Variants in ZNF385D observed in about 807,000 individuals in gnomAD.
The protein encoded by ZNF385D is zinc finger protein 385D.
In ZNF385D, 15 loss-of-function variants were observed where a neutral mutation model predicts 35.8. The ratio of observed to expected loss-of-function variants is 0.42; its 90% CI spans 0.28 to 0.64. The LOEUF is 0.64. Ranked by LOEUF, ZNF385D falls within the 30% of genes least tolerant of loss-of-function variation. The pLI is 0.23. For synonymous variants in ZNF385D, 212 were observed against 186.8 expected (o/e 1.13, Z -1.10); for missense variants, 474 against 494.6 (o/e 0.96, Z 0.39).
At chr3:21,960,133 T>C (rs1397961385) in intron 3 of ZNF385D, among the ~76,000 whole-genome samples, 1 of 150,094 alleles carries the variant, frequency 6.7e-6, no homozygotes, top group Non-Finnish European at 1.5e-5. Flanking sequence ...GAAGAAAATA[T>C]TTGCATTCTA....
chr3:21,789,712 T>TA (rs369658073), intron 3 of ZNF385D, among the ~76,000 whole-genome samples: 25,450 of 151,926 alleles, frequency 0.17, 2,301 homozygotes, highest in Non-Finnish European at 0.19. Flanking sequence ...CATGTTTATG[T>TA]AAAAAAAGAT....
intron 3 of ZNF385D, among the ~76,000 whole-genome samples, chr3:21,872,285 T>A (rs1441430117): frequency 6.6e-6 from 1 of 152,182 alleles, no homozygotes. Context: ...CATTTGAGCA[T>A]GTTTGAAGTT....
rs768416402 is a variant in ZNF385D at position 21,420,322 on chromosome 3, G to T, written c.*892C>A. 6.6e-6 allele frequency: 1 copy of T among 152,054 alleles called. No individual in the cohort carries two copies. Among genetic ancestry groups the T allele is most frequent in the African/African-American group, 2.4e-5 (1 of 41,350 alleles). The allele number at this position is 152,054 out of a possible 1,614,324, so 9.4% of individuals were successfully genotyped here. On this transcript the variant is annotated 3_prime_UTR_variant, in exon 8 of 8. Coordinates refer to ENST00000281523, the MANE Select transcript of ZNF385D (RefSeq NM_024697.3). ...GTTATGATTCTTCATCCTTGAAATA[G>T]AAGAGTTGTATTGATTTCTTTCTTA...
intron 2 of ZNF385D, among the ~76,000 whole-genome samples, chr3:22,368,410 C>T (rs1416144939): frequency 2.6e-5 from 4 of 152,138 alleles, no homozygotes; most frequent in South Asian, 2.1e-4. Context: ...CCTGGGTGTC[C>T]TTCAACTTCC....
chr3:21,458,043 A>G (rs1702928238), intron 4 of ZNF385D, among the ~76,000 whole-genome samples: 2 of 152,188 alleles, frequency 1.3e-5, no homozygotes, highest in South Asian at 4.1e-4. Context: ...ATCAACAACA[A>G]CAAAACATTC....
chr3:22,082,179 G>A (rs1423084627), intron 3 of ZNF385D, among the ~76,000 whole-genome samples: 1 of 152,072 alleles, frequency 6.6e-6, no homozygotes, highest in Non-Finnish European at 1.5e-5. Flanking sequence ...TGAGGCACCT[G>A]GTTTATCTCA....
In ZNF385D at chr3:21,977,813, G is replaced by A. The variant is rs551067570; in HGVS notation, c.325+191004C>T. 4.6e-5 allele frequency among the ~76,000 whole-genome samples: 7 copies of A among 152,152 alleles called. No homozygotes were observed. The East Asian group carries it at 5.8e-4, about 13-fold the overall frequency. On this transcript the variant is annotated intron_variant, in intron 3 of 5. Coordinates refer to the ZNF385D transcript ENST00000494108. ...ATCACACCACTGTACTCTAGCCTGG[G>A]CAACAGAGCAAAACCCTGTCTCTAA...
At chr3:21,771,568 T>A (rs2071080218) in intron 3 of ZNF385D, among the ~76,000 whole-genome samples, 1 of 151,618 alleles carries the variant, frequency 6.6e-6, no homozygotes, top group Non-Finnish European at 1.5e-5. Flanking sequence ...ACAATTACCT[T>A]AAAGATGCTC....
At chr3:22,126,072 T>C (rs1703407641) in intron 3 of ZNF385D, among the ~76,000 whole-genome samples, 1 of 152,102 alleles carries the variant, frequency 6.6e-6, no homozygotes, top group African/African-American at 2.4e-5. Context: ...CTTTATTTTG[T>C]TGAGGTATGT....
intron 3 of ZNF385D, among the ~76,000 whole-genome samples, chr3:21,902,245 A>C (rs1210575167): frequency 6.6e-6 from 1 of 152,204 alleles, no homozygotes; most frequent in East Asian, 1.9e-4. Flanking sequence ...CATGGTCTCA[A>C]GGGCTCATAA....
At chr3:21,718,846 G>A (rs2068427105) in intron 1 of ZNF385D, among the ~76,000 whole-genome samples, 1 of 152,112 alleles carries the variant, frequency 6.6e-6, no homozygotes, top group South Asian at 2.1e-4. Context: ...GTATTGTAAG[G>A]TTTATTTGTC....
intron 2 of ZNF385D, among the ~76,000 whole-genome samples, chr3:22,348,399 G>A (rs1008288189): frequency 6.8e-6 from 1 of 147,686 alleles, no homozygotes; most frequent in African/African-American, 2.5e-5. Flanking sequence ...TGTAATCCCA[G>A]TACTTTGGGT....
intron 3 of ZNF385D, among the ~76,000 whole-genome samples, chr3:21,967,354 C>A (rs1294242250): frequency 2.0e-5 from 3 of 152,158 alleles, no homozygotes; most frequent in African/African-American, 7.2e-5. Context: ...GCCACTTAAG[C>A]ATTTATTTTA....
intron 3 of ZNF385D, among the ~76,000 whole-genome samples, chr3:21,952,256 C>CA (rs1320372192): frequency 2.0e-5 from 3 of 151,986 alleles, no homozygotes; most frequent in Non-Finnish European, 4.4e-5. Flanking sequence ...CCTTGCCTGG[C>CA]ATCTCCACTA....
chr3:22,095,327 A>T (rs1348200632), intron 3 of ZNF385D, among the ~76,000 whole-genome samples: 1 of 151,850 alleles, frequency 6.6e-6, no homozygotes, highest in Admixed American at 6.6e-5. Context: ...TAAATTCTGC[A>T]CATCTATTTC....
chr3:21,741,206 C>T (rs1427278618), intron 1 of ZNF385D, among the ~76,000 whole-genome samples: 2 of 152,180 alleles, frequency 1.3e-5, no homozygotes, highest in Non-Finnish European at 2.9e-5. Flanking sequence ...CCTTAAGCTT[C>T]TCACTACAGT....
intron 4 of ZNF385D, among the ~76,000 whole-genome samples, chr3:21,456,503 G>A (rs192286485): frequency 1.2e-4 from 18 of 152,020 alleles, no homozygotes; most frequent in Admixed American, 2.0e-4. Flanking sequence ...ACCAAACACC[G>A]CATGTTCTCA....
intron 2 of ZNF385D, among the ~76,000 whole-genome samples, chr3:21,616,714 A>G (rs912230274): frequency 2.6e-5 from 4 of 152,222 alleles, no homozygotes; most frequent in Non-Finnish European, 4.4e-5. Context: ...AATAGTGAAC[A>G]TCTCTGGAAA....
At chr3:21,533,283 A>G (rs539240699) in intron 3 of ZNF385D, among the ~76,000 whole-genome samples, 2 of 152,008 alleles carry the variant, frequency 1.3e-5, no homozygotes, top group African/African-American at 4.8e-5. Context: ...TGCTGACACA[A>G]GAAACGTTTC....
Sources: allele counts gnomAD v4.1 joint callset (sites outside exome capture counted in the v4.1 genomes callset), GRCh38; gene constraint gnomAD v4.1.1; transcripts MANE v1.5; gene names NCBI Gene and HGNC (gene_info 2026-07-23, HGNC 2026-07-21).